Variants in FHIT observed in about 807,000 individuals in gnomAD.
FHIT encodes the protein fragile histidine triad diadenosine triphosphatase.
Under a neutral mutation model 17.9 loss-of-function variants are expected in FHIT, and 19 were observed. The observed-to-expected ratio is 1.06, with a 90% CI of 0.74 to 1.56. The LOEUF (loss-of-function observed/expected upper bound fraction) is 1.56, where lower values mean the gene tolerates loss of function less well. FHIT is among the 40% of genes most tolerant of loss of function. FHIT has a pLI of 0.00. For synonymous variants in FHIT, 81 were observed against 69.7 expected, an observed-to-expected ratio of 1.16 and a Z score of -0.81; for missense variants, 248 against 189.2, an observed-to-expected ratio of 1.31 and a Z score of -1.82.
intron 5 of FHIT, among the ~76,000 whole-genome samples, chr3:60,029,901 G>C (rs866005638): frequency 3.5e-5 from 5 of 143,052 alleles, no homozygotes; most frequent in Non-Finnish European, 7.5e-5. Flanking sequence ...GTGTGTCTGT[G>C]TGTGTGTGTG....
intron 5 of FHIT, among the ~76,000 whole-genome samples, chr3:60,371,659 A>T (rs987662921): frequency 6.6e-6 from 1 of 152,198 alleles, no homozygotes; most frequent in African/African-American, 2.4e-5. Context: ...TGTAACTTAG[A>T]AAATATAATA....
At chr3:59,810,530 C>G (rs944813617) in intron 8 of FHIT, among the ~76,000 whole-genome samples, 1 of 152,214 alleles carries the variant, frequency 6.6e-6, no homozygotes, top group Non-Finnish European at 1.5e-5. Context: ...TAAGAAATAA[C>G]TTACCAAACG....
intron 2 of FHIT, among the ~76,000 whole-genome samples, chr3:61,160,340 A>G (rs1017572596): frequency 6.6e-6 from 1 of 152,242 alleles, no homozygotes; most frequent in African/African-American, 2.4e-5. Context: ...AATCATGTAC[A>G]TAAGTTCTTC....
intron 4 of FHIT, among the ~76,000 whole-genome samples, chr3:60,726,371 T>G (rs890345207): frequency 6.6e-6 from 1 of 152,196 alleles, no homozygotes; most frequent in Non-Finnish European, 1.5e-5. Flanking sequence ...AACAATAATA[T>G]AATAGATGGC....
chr3:60,937,567 C>CT (rs5849404), intron 3 of FHIT, among the ~76,000 whole-genome samples: 34,162 of 134,578 alleles, frequency 0.25, 5,193 homozygotes, highest in East Asian at 0.57. Context: ...CTTTTCTTTT[C>CT]TTTTTTTTTT....
intron 4 of FHIT, among the ~76,000 whole-genome samples, chr3:60,640,513 T>C (rs2039700327): frequency 6.6e-6 from 1 of 152,170 alleles, no homozygotes. Flanking sequence ...AATAGTTACA[T>C]GGGATGTTTA....
At chr3:60,621,705 G>A (rs899184887) in intron 4 of FHIT, among the ~76,000 whole-genome samples, 2 of 151,958 alleles carry the variant, frequency 1.3e-5, no homozygotes, top group African/African-American at 4.8e-5. Flanking sequence ...AGAAATACTT[G>A]AGTGGTTGGC....
intron 4 of FHIT, among the ~76,000 whole-genome samples, chr3:60,583,301 T>A (rs2037806695): frequency 6.6e-6 from 1 of 152,048 alleles, no homozygotes; most frequent in Admixed American, 6.6e-5. Flanking sequence ...TCAGCCGCTG[T>A]ACAGAACCTT....
At chr3:60,496,432 T>C (rs2034302478) in intron 5 of FHIT, among the ~76,000 whole-genome samples, 1 of 152,136 alleles carries the variant, frequency 6.6e-6, no homozygotes, top group African/African-American at 2.4e-5. Flanking sequence ...GAAATGAGAA[T>C]TAATCCAATA....
At chr3:60,211,302 G>A (rs1037272766) in intron 5 of FHIT, among the ~76,000 whole-genome samples, 1 of 151,808 alleles carries the variant, frequency 6.6e-6, no homozygotes, top group Non-Finnish European at 1.5e-5. Context: ...GCAACCTTAT[G>A]TATATATTGT....
intron 4 of FHIT, among the ~76,000 whole-genome samples, chr3:60,742,574 C>A (rs1428190660): frequency 1.3e-5 from 2 of 152,146 alleles, no homozygotes; most frequent in Non-Finnish European, 1.5e-5. Flanking sequence ...ACTTCACTAC[C>A]TGTAATAAAG....
intron 4 of FHIT, among the ~76,000 whole-genome samples, chr3:60,778,395 T>C (rs1489789966): frequency 6.6e-6 from 1 of 152,208 alleles, no homozygotes; most frequent in African/African-American, 2.4e-5. Context: ...CTTTGGATAT[T>C]GTGACACTGA....
At chr3:59,965,901 T>G (rs1707904789) in intron 7 of FHIT, among the ~76,000 whole-genome samples, 1 of 152,190 alleles carries the variant, frequency 6.6e-6, no homozygotes. Context: ...AACTGGCTGC[T>G]AAGAGAACTG....
chr3:61,131,468 G>A (rs1018723641), intron 2 of FHIT, among the ~76,000 whole-genome samples: 1 of 152,154 alleles, frequency 6.6e-6, no homozygotes, highest in Admixed American at 6.5e-5. Flanking sequence ...GGACTGTCTG[G>A]GCCGAAAGTC....
intron 5 of FHIT, among the ~76,000 whole-genome samples, chr3:60,322,563 C>T (rs213387): frequency 0.62 from 94,126 of 152,012 alleles, 29,680 homozygotes; most frequent in South Asian, 0.7. Flanking sequence ...ATAAGGGCAC[C>T]GGACAAGAAA....
At chr3:60,212,110 T>TG (rs1703478960) in intron 5 of FHIT, among the ~76,000 whole-genome samples, 1 of 152,230 alleles carries the variant, frequency 6.6e-6, no homozygotes, top group African/African-American at 2.4e-5. Flanking sequence ...TTTAAGCTGC[T>TG]GGCTCCTTGC....
intron 8 of FHIT, among the ~76,000 whole-genome samples, chr3:59,819,606 T>A (rs1700720422): frequency 6.6e-6 from 1 of 152,238 alleles, no homozygotes; most frequent in East Asian, 1.9e-4. Flanking sequence ...GCTCGTGTTC[T>A]TCCAGACATT....
chr3:60,284,193 C>A (rs942271598), intron 5 of FHIT, among the ~76,000 whole-genome samples: 12 of 152,036 alleles, frequency 7.9e-5, no homozygotes, highest in Admixed American at 7.9e-4. Context: ...CTAAAAAGAC[C>A]CTTCATGAAT....
chr3:60,608,758 T>C (rs562499540), intron 4 of FHIT, among the ~76,000 whole-genome samples: 2 of 152,218 alleles, frequency 1.3e-5, no homozygotes, highest in East Asian at 3.9e-4. Flanking sequence ...ATTATGAACA[T>C]CGTTATTTGG....
Sources: allele counts gnomAD v4.1 joint callset (sites outside exome capture counted in the v4.1 genomes callset), GRCh38; gene constraint gnomAD v4.1.1; transcripts MANE v1.5; gene names NCBI Gene and HGNC (gene_info 2026-07-23, HGNC 2026-07-21).